The following TNR variants were observed in gnomAD, a reference collection of about 807,000 sequenced individuals.
TNR encodes tenascin R.
A neutral mutation model predicts 150.4 loss-of-function variants in TNR; 45 were observed. The ratio of observed to expected loss-of-function variants is 0.30; its 90% CI spans 0.24 to 0.38. TNR has a LOEUF of 0.38. TNR is among the 10% of genes least tolerant of loss of function. TNR has a pLI of 1.00. For missense variants in TNR, 1,544 were observed against 1,759.1 expected (o/e 0.88, Z 2.19); for synonymous variants, 687 against 678.4 (o/e 1.01, Z -0.20).
At chr1:175,568,422 T>C (rs1462599627) in intron 1 of TNR, among the ~76,000 whole-genome samples, 2 of 152,164 alleles carry the variant, frequency 1.3e-5, no homozygotes, top group Admixed American at 1.3e-4. Context: ...AATCAATTTG[T>C]CCTGTTAATA....
At chr1:175,427,156 G>A (rs1256619384) in intron 2 of TNR, among the ~76,000 whole-genome samples, 2 of 150,394 alleles carry the variant, frequency 1.3e-5, no homozygotes, top group African/African-American at 2.4e-5. Flanking sequence ...AATACAGGTT[G>A]TCACCCACTT....
chr1:175,623,299 T>C (rs761843586), intron 1 of TNR, among the ~76,000 whole-genome samples: 5 of 152,240 alleles, frequency 3.3e-5, no homozygotes, highest in Non-Finnish European at 5.9e-5. Flanking sequence ...TTTCTCTATA[T>C]ACCTACACAG....
Position 175,363,696 on chromosome 1 carries a change from T to A in TNR, c.2707+12A>T. The A allele has an allele frequency of 1.9e-6, 3 of 1,611,124 alleles. No homozygotes were observed. The highest frequency in any genetic ancestry group is 2.5e-6 in the Non-Finnish European group (3 of 1,178,676). ...ATCCTAGTATCTTTGAGAAATCAAA[T>A]CACTTTGTTACCTTGGGTGGGTCGA... On this transcript the variant is annotated intron_variant, in intron 13 of 22. Coordinates refer to ENST00000367674, the MANE Select transcript of TNR (RefSeq NM_003285.3).
chr1:175,492,993 G>T (rs1203158002), intron 2 of TNR, among the ~76,000 whole-genome samples: 1 of 152,170 alleles, frequency 6.6e-6, no homozygotes, highest in African/African-American at 2.4e-5. Flanking sequence ...AGGAGCAGGA[G>T]GTGGGTGGGT....
chr1:175,347,591 C>T (rs1201099583), intron 18 of TNR, among the ~76,000 whole-genome samples: 2 of 152,070 alleles, frequency 1.3e-5, no homozygotes, highest in African/African-American at 4.8e-5. Context: ...CCATGCCCAG[C>T]TAACTTATGT....
At chr1:175,684,761 A>G (rs1371455385) in intron 1 of TNR, among the ~76,000 whole-genome samples, 1 of 152,190 alleles carries the variant, frequency 6.6e-6, no homozygotes, top group Non-Finnish European at 1.5e-5. Context: ...CCAGTAATGC[A>G]TTTTCCTTAT....
intron 2 of TNR, among the ~76,000 whole-genome samples, chr1:175,441,807 C>T (rs954354963): frequency 6.6e-6 from 1 of 152,106 alleles, no homozygotes; most frequent in Admixed American, 6.6e-5. Flanking sequence ...GCCCAAAAAG[C>T]TCCTAATACT....
At position 175,697,433 on chromosome 1, in the gene TNR, T is replaced by C. The variant is rs1227447435; in HGVS notation, c.-165+45793A>G. On this transcript the variant is annotated intron_variant, in intron 1 of 22. Transcript: ENST00000367674. ...CTCCTCTCATTTTTTTCTGGAGCAATGTCACTGTTCTGAATACAGAAATAC... is the reference window on the plus strand; with the variant it reads ...CTCCTCTCATTTTTTTCTGGAGCAACGTCACTGTTCTGAATACAGAAATAC... Among the ~76,000 whole-genome samples the C allele has an allele frequency of 2.6e-5, 4 of 151,936 alleles. No individual in the cohort carries two copies. The East Asian group carries it at 7.8e-4, about 30-fold the overall frequency.
rs531369223 is a variant in TNR at position 175,698,371 on chromosome 1, G to A, written c.-165+44855C>T. On this transcript the variant is annotated intron_variant, in intron 1 of 22. Coordinates refer to ENST00000367674, the MANE Select transcript of TNR (RefSeq NM_003285.3). ...ACCGAAGAGCAGACGTGAAGGAACC[G>A]AGGAATTCAGCAGTGGGGAAAGAGG... is the stretch of plus-strand genomic sequence containing the variant. 1.1e-4 allele frequency among the ~76,000 whole-genome samples: 16 copies of A among 152,264 alleles called. No individual in the cohort carries two copies. In the South Asian group the frequency reaches 2.3e-3, roughly 22 times the overall value.
At chr1:175,505,807 G>A (rs1658937034) in intron 2 of TNR, among the ~76,000 whole-genome samples, 1 of 152,230 alleles carries the variant, frequency 6.6e-6, no homozygotes. Flanking sequence ...TTGGGAGGCC[G>A]AGGTGGGTGG....
intron 13 of TNR, among the ~76,000 whole-genome samples, chr1:175,363,430 G>C (rs1651689850): frequency 6.6e-6 from 1 of 152,152 alleles, no homozygotes; most frequent in Non-Finnish European, 1.5e-5. Context: ...TTCTTTTGGG[G>C]CTCTTTTTTT....
intron 1 of TNR, among the ~76,000 whole-genome samples, chr1:175,692,189 G>C (rs561248593): frequency 6.6e-6 from 1 of 152,312 alleles, no homozygotes; most frequent in East Asian, 1.9e-4. Context: ...TAACCTTGGG[G>C]CAGACACATG....
intron 2 of TNR, among the ~76,000 whole-genome samples, chr1:175,518,557 T>C (rs1344289244): frequency 6.6e-6 from 1 of 152,160 alleles, no homozygotes; most frequent in Non-Finnish European, 1.5e-5. Flanking sequence ...AGCTGTTCAT[T>C]ACTTTCCTGG....
At chr1:175,386,591 T>C (rs1652945082) in intron 7 of TNR, among the ~76,000 whole-genome samples, 2 of 152,122 alleles carry the variant, frequency 1.3e-5, no homozygotes, top group South Asian at 4.2e-4. Flanking sequence ...CTTGCTGGCT[T>C]GAAAGAGTCA....
In TNR at chr1:175,365,868, C is replaced by T. The variant is rs932534517; in HGVS notation, c.2317+7G>A. On this transcript the variant is annotated splice_region_variant and intron_variant, in intron 11 of 22. Coordinates refer to ENST00000367674, the MANE Select transcript of TNR (RefSeq NM_003285.3). Reference sequence around the variant, plus strand: ...GAACCTGGCTGGGATTTCTGCTGCTCTGGTACCTGTGAAAGCATCCACAGT... The same window carrying T: ...GAACCTGGCTGGGATTTCTGCTGCTTTGGTACCTGTGAAAGCATCCACAGT... 13 of 1,612,670 alleles carry T rather than the reference C, an allele frequency of 8.1e-6. No homozygotes were observed. In the African/African-American group the frequency reaches 1.7e-4, roughly 22 times the overall value.
chr1:175,568,227 A>G (rs80328587), intron 1 of TNR, among the ~76,000 whole-genome samples: 7,111 of 152,082 alleles, frequency 0.047, 572 homozygotes, highest in African/African-American at 0.16. Flanking sequence ...ACCCTCATAT[A>G]GTAAATAATT....
rs146836063 is a variant in TNR, at chr1:175,475,923, G to A, written c.-64+52346C>T. Among the ~76,000 whole-genome samples the A allele has an allele frequency of 2.2e-3, 333 of 152,206 alleles. 1 individual carries two copies. Among genetic ancestry groups the A allele is most frequent in the African/African-American group, 7.5e-3 (310 of 41,516 alleles). On this transcript the variant is annotated intron_variant, in intron 2 of 22. Transcript: ENST00000367674. The stretch of plus-strand genomic sequence containing the variant: ...CTAACTTCCCCTCTAACCTTCAATC[G>A]TCCTATAATGAAATGATATTTTAAG...
At chr1:175,699,280 G>C (rs1249691239) in intron 1 of TNR, among the ~76,000 whole-genome samples, 1 of 152,202 alleles carries the variant, frequency 6.6e-6, no homozygotes, top group Non-Finnish European at 1.5e-5. Context: ...TTTGAGGAAA[G>C]AGAAAGTGAG....
intron 1 of TNR, among the ~76,000 whole-genome samples, chr1:175,636,659 T>C (rs1174643963): frequency 4.6e-5 from 7 of 152,186 alleles, no homozygotes; most frequent in African/African-American, 1.7e-4. Flanking sequence ...CTATAATTCC[T>C]CTGTGCAGTC....
Sources: gnomAD v4.1 joint callset for allele counts (sites outside exome capture counted in the v4.1 genomes callset) on GRCh38, gnomAD v4.1.1 for gene constraint, MANE v1.5 for transcripts, NCBI Gene and HGNC (gene_info 2026-07-23, HGNC 2026-07-21) for gene names.